The following LRRTM4 variants were observed in gnomAD, a reference collection of about 807,000 sequenced individuals.
LRRTM4 encodes leucine-rich repeat transmembrane neuronal protein 4.
Under a neutral mutation model 47.6 loss-of-function variants are expected in LRRTM4, and 25 were observed. The observed-to-expected ratio is 0.53, with a 90% confidence interval of 0.38 to 0.73. The LOEUF (loss-of-function observed/expected upper bound fraction) is 0.73, where lower values mean the gene tolerates loss of function less well. LRRTM4 is among the 30% of genes least tolerant of loss of function. LRRTM4 has a pLI of 0.00. For missense variants in LRRTM4, 638 were observed against 713.4 expected, an observed-to-expected ratio of 0.89 and a Z score of 1.20; for synonymous variants, 311 against 269.5, an observed-to-expected ratio of 1.15 and a Z score of -1.51.
At chr2:77,409,059 C>CA (rs1231868650) in intron 3 of LRRTM4, among the ~76,000 whole-genome samples, 1 of 152,072 alleles carries the variant, frequency 6.6e-6, no homozygotes, top group Non-Finnish European at 1.5e-5. Context: ...TTTTAATGAA[C>CA]ATTGAATCCT....
At chr2:77,225,907 C>A (rs1313813879) in intron 3 of LRRTM4, among the ~76,000 whole-genome samples, 1 of 151,708 alleles carries the variant, frequency 6.6e-6, no homozygotes, top group African/African-American at 2.4e-5. Flanking sequence ...ATGACATCAA[C>A]TGTTGTTTGA....
intron 3 of LRRTM4, among the ~76,000 whole-genome samples, chr2:77,034,648 C>T (rs1016410392): frequency 1.3e-5 from 2 of 151,782 alleles, no homozygotes; most frequent in Non-Finnish European, 2.9e-5. Context: ...TGAAAATAGG[C>T]AACTAAATCC....
rs535419261 is a variant in LRRTM4, at chr2:77,268,821, T to C, written c.1551+249497A>G. Among the ~76,000 whole-genome samples the C allele has an allele frequency of 2.6e-5, 4 of 152,260 alleles. No individual in the cohort carries two copies. In the East Asian group the frequency reaches 7.7e-4, roughly 29 times the overall value. ...AATGACTTTTCTTCAATTTCTGTCA[T>C]CTAGTGGTTTTCAAAGTGTGGTTTC... On this transcript the variant is annotated intron_variant, in intron 3 of 3. Transcript: ENST00000409884.
chr2:77,477,913 A>AAGAAAG (rs752162764), intron 3 of LRRTM4, among the ~76,000 whole-genome samples: 18 of 59,484 alleles, frequency 3.0e-4, no homozygotes, highest in Non-Finnish European at 6.8e-4. Flanking sequence ...AAAAGAAAGA[A>AAGAAAG]AGAAAGAAAG....
chr2:77,008,479 C>T (rs1677744773), intron 3 of LRRTM4, among the ~76,000 whole-genome samples: 1 of 152,018 alleles, frequency 6.6e-6, no homozygotes. Context: ...CTGATTTCAC[C>T]ACTGATATGA....
chr2:77,494,510 T>C (rs1464478214), intron 3 of LRRTM4, among the ~76,000 whole-genome samples: 1 of 152,048 alleles, frequency 6.6e-6, no homozygotes, highest in Non-Finnish European at 1.5e-5. Context: ...AGATCAGCAG[T>C]GGATTAAGAG....
chr2:76,835,715 C>T (rs1338704285), intron 3 of LRRTM4, among the ~76,000 whole-genome samples: 1 of 151,970 alleles, frequency 6.6e-6, no homozygotes, highest in Non-Finnish European at 1.5e-5. Context: ...GTATATATTT[C>T]TTTATACATC....
At chr2:76,772,716 C>T (rs1199249988) in intron 3 of LRRTM4, among the ~76,000 whole-genome samples, 1 of 152,128 alleles carries the variant, frequency 6.6e-6, no homozygotes, top group African/African-American at 2.4e-5. Context: ...GATTCAGTTA[C>T]TCTCAGTATA....
At chr2:77,362,115 G>GAGAAAGAAAGAGAGAAAGAAAGAAAGAA (rs1553434347) in intron 3 of LRRTM4, among the ~76,000 whole-genome samples, 2 of 98,778 alleles carry the variant, frequency 2.0e-5, no homozygotes, top group African/African-American at 9.5e-5. Flanking sequence ...GAAAGAAAGA[G>GAGAAAGAAAGAGAGAAAGAAAGAAAGAA]AGAAAGAAAG....
At chr2:77,047,081 T>G (rs1679259747) in intron 3 of LRRTM4, among the ~76,000 whole-genome samples, 1 of 152,030 alleles carries the variant, frequency 6.6e-6, no homozygotes, top group African/African-American at 2.4e-5. Context: ...AGTTTGGGAG[T>G]AATCTTTACC....
chr2:77,031,404 G>A (rs905458551), intron 3 of LRRTM4, among the ~76,000 whole-genome samples: 31 of 152,040 alleles, frequency 2.0e-4, no homozygotes, highest in African/African-American at 6.0e-4. Context: ...AACATCTGAG[G>A]TGGAATTTAA....
At chr2:76,848,100 C>T (rs1671889803) in intron 3 of LRRTM4, among the ~76,000 whole-genome samples, 1 of 151,884 alleles carries the variant, frequency 6.6e-6, no homozygotes, top group South Asian at 2.1e-4. Flanking sequence ...AGTTTTTTTC[C>T]CTTAGATTCT....
At position 77,504,787 on chromosome 2, in the gene LRRTM4, T is replaced by A. The variant is rs866590224; in HGVS notation, c.1551+13531A>T. 7.3e-5 allele frequency among the ~76,000 whole-genome samples: 5 copies of A among 68,390 alleles called. No homozygotes were observed. In the East Asian group the frequency reaches 1.2e-3, roughly 16 times the overall value. The allele number at this position is 68,390 out of a possible 152,430, so 44.9% of individuals were successfully genotyped here. A position where few individuals can be genotyped will look rare whatever the true frequency, so the allele number is the denominator to read the frequency against. On this transcript the variant is annotated intron_variant, in intron 3 of 3. Coordinates refer to ENST00000409884, the MANE Select transcript of LRRTM4 (RefSeq NM_001134745.3). ...AACAAATATATGACTAGAGAAGATG[T>A]TTAAGTATTACATAAACAATTTGTT...
chr2:77,033,414 C>A (rs1678728904), intron 3 of LRRTM4, among the ~76,000 whole-genome samples: 2 of 145,532 alleles, frequency 1.4e-5, no homozygotes, highest in African/African-American at 5.1e-5. Flanking sequence ...AATATGTAAG[C>A]AATAAATGCA....
At chr2:76,820,210 A>G (rs548350365) in intron 3 of LRRTM4, among the ~76,000 whole-genome samples, 1 of 151,712 alleles carries the variant, frequency 6.6e-6, no homozygotes, top group African/African-American at 2.4e-5. Context: ...TTGCATGACT[A>G]CTCTTTCAGT....
rs558152127 is a variant in LRRTM4, at chr2:77,411,390, C to A, written c.1551+106928G>T. ...CTTCGATTTCTTTCTTTCTTTCTCT[C>A]TTTCTTTCTTCTTTATTTCTCTCTT... On this transcript the variant is annotated intron_variant, in intron 3 of 3. Transcript: ENST00000409884. Among the ~76,000 whole-genome samples, 7 of 151,564 alleles carry A rather than the reference C, an allele frequency of 4.6e-5. No individual in the cohort carries two copies. The South Asian group carries it at 1.5e-3, about 32-fold the overall frequency.
chr2:77,232,367 A>G (rs375321912), intron 3 of LRRTM4, among the ~76,000 whole-genome samples: 1 of 152,212 alleles, frequency 6.6e-6, no homozygotes, highest in Non-Finnish European at 1.5e-5. Flanking sequence ...CTTAAATTCT[A>G]CTTAACATGT....
chr2:77,463,069 G>A (rs1282886812), intron 3 of LRRTM4, among the ~76,000 whole-genome samples: 1 of 151,914 alleles, frequency 6.6e-6, no homozygotes, highest in Non-Finnish European at 1.5e-5. Flanking sequence ...ATATTGTTAG[G>A]TGATTTTTGT....
At chr2:76,871,426 T>C (rs1187798123) in intron 3 of LRRTM4, among the ~76,000 whole-genome samples, 1 of 152,166 alleles carries the variant, frequency 6.6e-6, no homozygotes, top group African/African-American at 2.4e-5. Flanking sequence ...GTAACTAATA[T>C]AGCAATCTAA....
Sources: allele counts gnomAD v4.1 joint callset (sites outside exome capture counted in the v4.1 genomes callset), GRCh38; gene constraint gnomAD v4.1.1; transcripts MANE v1.5; gene names NCBI Gene and HGNC (gene_info 2026-07-23, HGNC 2026-07-21).